Variants in GLB1L3 observed in about 807,000 individuals in gnomAD.
The protein encoded by GLB1L3 is galactosidase beta 1 like 3.
GLB1L3 carries 89 observed loss-of-function variants against 89.5 expected under a neutral mutation model. That is an observed-to-expected ratio of 0.99 (90% CI 0.84 to 1.19). The LOEUF (loss-of-function observed/expected upper bound fraction) is 1.19, where lower values mean the gene tolerates loss of function less well. GLB1L3 is among the 50% of genes most tolerant of loss of function. The pLI is 0.00. For missense variants in GLB1L3, 812 were observed against 813.3 expected (o/e 1.00, Z 0.02); for synonymous variants, 314 against 312.3 (o/e 1.01, Z -0.06).
rs535504390 is a variant in GLB1L3 at position 134,282,983 on chromosome 11, G to A, written c.528-754G>A. Among the ~76,000 whole-genome samples the A allele has an allele frequency of 9.6e-4, 146 of 152,288 alleles. 1 individual carries two copies. The highest frequency in any genetic ancestry group is 3.2e-3 in the African/African-American group (131 of 41,542). On this transcript the variant is annotated intron_variant, in intron 5 of 19. Coordinates refer to ENST00000431683, the MANE Select transcript of GLB1L3 (RefSeq NM_001080407.3). Reference sequence around the variant, plus strand: ...GGAGTGGGTGGAGTATCATTGGCACGTAGGCTCCTGCCCTGAGCCTGAAGC... The same window carrying A: ...GGAGTGGGTGGAGTATCATTGGCACATAGGCTCCTGCCCTGAGCCTGAAGC...
intron 9 of GLB1L3, among the ~76,000 whole-genome samples, chr11:134,305,696 A>C (rs146825549): frequency 2.2e-4 from 34 of 152,310 alleles, no homozygotes; most frequent in African/African-American, 6.7e-4. Context: ...AAATCAGGGA[A>C]CATGGAGTTA....
downstream of GLB1L3, among the ~76,000 whole-genome samples, chr11:134,323,300 C>T (rs1030390274): frequency 3.3e-5 from 5 of 152,138 alleles, no homozygotes; most frequent in Admixed American, 6.6e-5. Context: ...GTGAATGCAT[C>T]ACCTGAGGTC....
At chr11:134,296,081 T>C (rs1471258295) in intron 9 of GLB1L3, among the ~76,000 whole-genome samples, 1 of 152,174 alleles carries the variant, frequency 6.6e-6, no homozygotes, top group Admixed American at 6.5e-5. Flanking sequence ...TAATGTGTAG[T>C]CATGAAAAAA....
At chr11:134,303,608 G>A (rs182045911) in intron 9 of GLB1L3, among the ~76,000 whole-genome samples, 193 of 152,306 alleles carry the variant, frequency 1.3e-3, no homozygotes, top group Non-Finnish European at 1.9e-3. Context: ...GTGCCTCAGG[G>A]CAAGCACTGA....
At position 134,310,629 on chromosome 11, in the gene GLB1L3, A is replaced by C. The variant is rs1942680741; in HGVS notation, c.1158A>C (p.Gln386His). Residue 386 changes from glutamine to histidine, a missense_variant, in exon 12 of 20, where the codon CAA (glutamine) becomes CAC (histidine). Gln to His is a conservative substitution (Grantham distance 24, BLOSUM62 0). Transcript: ENST00000431683. ...GDYTEKYLKLQKLFQSVSATP... is the reference protein window; with the variant it reads ...GDYTEKYLKLHKLFQSVSATP... ...ACACAGAAAAATATCTGAAGCTTCA[A>C]AAACTCTTTCAATCTGTCTCAGGTA... The C allele has an allele frequency of 6.2e-7, 1 of 1,613,398 alleles. No homozygotes were observed.
Position 134,292,137 on chromosome 11 carries a change from G to T in GLB1L3, c.735G>T (p.Leu245=), listed in dbSNP as rs1394336555. The change falls in exon 8 of 20, where the codon CTG becomes CTT. Residue 245 remains leucine, a synonymous_variant. Coordinates refer to ENST00000431683, the MANE Select transcript of GLB1L3 (RefSeq NM_001080407.3). ...KTYMPYLHKA[L]LRRGIVELLL... Reference sequence around the variant, plus strand: ...TTGGTTAATTTTCTCAACAGGCCCTGCTGAGAAGAGGGATTGTGGAGCTTC... The same window carrying T: ...TTGGTTAATTTTCTCAACAGGCCCTTCTGAGAAGAGGGATTGTGGAGCTTC... 2 of 1,613,170 alleles carry T rather than the reference G, an allele frequency of 1.2e-6. No homozygotes were observed. Among genetic ancestry groups the T allele is most frequent in the East Asian group, 2.2e-5 (1 of 44,882 alleles).
At chr11:134,309,257 A>G (rs1393508738) in intron 10 of GLB1L3, among the ~76,000 whole-genome samples, 2 of 152,240 alleles carry the variant, frequency 1.3e-5, no homozygotes, top group Non-Finnish European at 2.9e-5. Context: ...TCGGTGTCCT[A>G]GAGTAGTTCT....
the GLB1L3 span, among the ~76,000 whole-genome samples, chr11:134,325,175 T>G: frequency 6.6e-6 from 1 of 152,192 alleles, no homozygotes; most frequent in East Asian, 1.9e-4. Context: ...TTATTTCACT[T>G]TAACCTGCTG....
chr11:134,289,871 A>C (rs142635687), intron 7 of GLB1L3, among the ~76,000 whole-genome samples: 17 of 151,942 alleles, frequency 1.1e-4, no homozygotes, highest in African/African-American at 4.1e-4. Context: ...GTTCAGTCTC[A>C]ACTGAACCCC....
At chr11:134,289,639 G>A (rs1207374313) in intron 7 of GLB1L3, among the ~76,000 whole-genome samples, 3 of 152,198 alleles carry the variant, frequency 2.0e-5, no homozygotes, top group Non-Finnish European at 4.4e-5. Flanking sequence ...GCTGGGGCTG[G>A]TGAATCTTCC....
intron 3 of GLB1L3, among the ~76,000 whole-genome samples, chr11:134,278,710 A>G (rs1419917448): frequency 2.0e-5 from 3 of 152,232 alleles, no homozygotes; most frequent in African/African-American, 7.2e-5. Flanking sequence ...AGATGCTTAG[A>G]GGGCCCTGTG....
intron 10 of GLB1L3, among the ~76,000 whole-genome samples, chr11:134,308,440 C>T (rs1311445145): frequency 1.0e-3 from 58 of 56,498 alleles, no homozygotes; most frequent in African/African-American, 1.2e-3. Context: ...ACCACCACCA[C>T]CACCATCACC....
At chr11:134,312,241 T>C (rs751719) in intron 13 of GLB1L3, 108 bp from the exon 14 acceptor site, 1,208,396 of 1,263,176 alleles carry the variant, frequency 0.96, 579,489 homozygotes, top group Non-Finnish European at 0.98. Flanking sequence ...ATTTCCCATT[T>C]GAAGAACCCT....
intron 10 of GLB1L3, among the ~76,000 whole-genome samples, chr11:134,308,395 CCAT>C (rs1565413508): frequency 2.0e-5 from 1 of 49,764 alleles, no homozygotes; most frequent in Non-Finnish European, 4.0e-5. Context: ...ACCATCACCA[CCAT>C]CACCATCACC....
At chr11:134,277,285 C>A (rs534035460) in intron 1 of GLB1L3, 41 bp from the exon 2 acceptor site, 12 of 1,613,036 alleles carry the variant, frequency 7.4e-6, no homozygotes, top group Non-Finnish European at 1.0e-5. Flanking sequence ...CCGGTGGGGC[C>A]GGAACCTTCC....
At chr11:134,301,229 T>C (rs892739203) in intron 9 of GLB1L3, among the ~76,000 whole-genome samples, 1 of 152,184 alleles carries the variant, frequency 6.6e-6, no homozygotes, top group Non-Finnish European at 1.5e-5. Flanking sequence ...CTAGGTTCTC[T>C]GATGGACCCA....
At chr11:134,286,513 C>T (rs190568733) in intron 6 of GLB1L3, among the ~76,000 whole-genome samples, 1,517 of 17,476 alleles carry the variant, frequency 0.087, 30 homozygotes, top group African/African-American at 0.14. Context: ...CGGTGGCTCA[C>T]GCCTGTTAAT....
intron 9 of GLB1L3, among the ~76,000 whole-genome samples, chr11:134,299,056 A>G (rs1203789304): frequency 6.6e-6 from 1 of 151,960 alleles, no homozygotes; most frequent in Admixed American, 6.6e-5. Flanking sequence ...CTTATCTTTA[A>G]GTTCGTTGAT....
intron 6 of GLB1L3, among the ~76,000 whole-genome samples, chr11:134,287,486 G>A (rs944962639): frequency 6.6e-6 from 1 of 152,140 alleles, no homozygotes; most frequent in Non-Finnish European, 1.5e-5. Flanking sequence ...GTTTACTTGG[G>A]ACTTTTATTC....
Sources: gnomAD v4.1 joint callset for allele counts (sites outside exome capture counted in the v4.1 genomes callset) on GRCh38, gnomAD v4.1.1 for gene constraint, MANE v1.5 for transcripts, NCBI Gene and HGNC (gene_info 2026-07-23, HGNC 2026-07-21) for gene names.